MGAT4C: variants seen among roughly 807,000 people sequenced by gnomAD.
The protein encoded by MGAT4C is MGAT4 family member C.
A neutral mutation model predicts 40.1 loss-of-function variants in MGAT4C; 19 were observed. The observed-to-expected ratio is 0.47, with a 90% confidence interval of 0.33 to 0.70. The LOEUF is 0.70. MGAT4C is among the 30% of genes least tolerant of loss of function. The pLI is 0.02. For synonymous variants in MGAT4C, 181 were observed against 187.1 expected (o/e 0.97, Z 0.27); for missense variants, 491 against 563.2 (o/e 0.87, Z 1.30).
chr12:86,104,360 A>G (rs1875738492), intron 1 of MGAT4C, among the ~76,000 whole-genome samples: 1 of 152,086 alleles, frequency 6.6e-6, no homozygotes, highest in Non-Finnish European at 1.5e-5. Context: ...CAGTCAATCG[A>G]GCCTAGGAGA....
rs556887986 is a variant in MGAT4C at position 86,729,381 on chromosome 12, A to T, written c.-261-2140T>A. Among the ~76,000 whole-genome samples, 45 of 152,168 alleles carry T rather than the reference A, an allele frequency of 3.0e-4. No homozygotes were observed. In the South Asian group the frequency reaches 5.2e-3, roughly 17 times the overall value. ...AAAATTTAAAAAAATAAAAATTTTTAAAAAAAGGAAATAAACTTTTATAAC... is the reference window on the plus strand; with the variant it reads ...AAAATTTAAAAAAATAAAAATTTTTTAAAAAAGGAAATAAACTTTTATAAC... On this transcript the variant is annotated intron_variant, in intron 1 of 7. Transcript: ENST00000548651.
chr12:86,246,979 G>C (rs1952063497), intron 1 of MGAT4C, among the ~76,000 whole-genome samples: 1 of 152,074 alleles, frequency 6.6e-6, no homozygotes, highest in African/African-American at 2.4e-5. Context: ...TCTAGTTTTA[G>C]TAGCATCAGT....
chr12:86,520,724 A>C (rs1343423534), intron 2 of MGAT4C, among the ~76,000 whole-genome samples: 1 of 151,948 alleles, frequency 6.6e-6, no homozygotes, highest in African/African-American at 2.4e-5. Context: ...TTTCTCTGGA[A>C]CCTCACAAGC....
At chr12:86,515,756 T>TTTTA (rs1958673880) in intron 2 of MGAT4C, among the ~76,000 whole-genome samples, 1 of 150,398 alleles carries the variant, frequency 6.6e-6, no homozygotes, top group African/African-American at 2.4e-5. Context: ...TTTTTTTTTT[T>TTTTA]GAGACGGAGT....
At chr12:86,440,387 A>G (rs1957205575) in intron 2 of MGAT4C, among the ~76,000 whole-genome samples, 1 of 152,048 alleles carries the variant, frequency 6.6e-6, no homozygotes, top group East Asian at 1.9e-4. Context: ...CCATATGATA[A>G]TCTCAATAGA....
intron 1 of MGAT4C, among the ~76,000 whole-genome samples, chr12:86,144,216 TA>T (rs772176146): frequency 6.6e-6 from 1 of 152,222 alleles, no homozygotes; most frequent in African/African-American, 2.4e-5. Flanking sequence ...TATCAAGCCT[TA>T]AAATTAATAT....
At chr12:86,652,238 G>C (rs1236402796) in intron 2 of MGAT4C, among the ~76,000 whole-genome samples, 1 of 151,730 alleles carries the variant, frequency 6.6e-6, no homozygotes, top group Non-Finnish European at 1.5e-5. Context: ...GATGATTATG[G>C]ATAGAATAAC....
At chr12:86,505,326 A>G (rs1958453520) in intron 2 of MGAT4C, among the ~76,000 whole-genome samples, 1 of 152,190 alleles carries the variant, frequency 6.6e-6, no homozygotes, top group South Asian at 2.1e-4. Context: ...TCCTTTCTCA[A>G]TGCAGGAGAT....
chr12:86,366,926 A>T (rs374445439), intron 3 of MGAT4C, among the ~76,000 whole-genome samples: 1 of 152,182 alleles, frequency 6.6e-6, no homozygotes, highest in African/African-American at 2.4e-5. Flanking sequence ...CTTCTCAGCA[A>T]TTTAGGAATA....
At chr12:86,233,133 T>C (rs993549931) in intron 1 of MGAT4C, among the ~76,000 whole-genome samples, 7 of 152,194 alleles carry the variant, frequency 4.6e-5, no homozygotes, top group African/African-American at 1.7e-4. Flanking sequence ...ATATGTAGTG[T>C]TACGAATTTT....
chr12:86,067,248 T>C (rs1894632326), intron 1 of MGAT4C, among the ~76,000 whole-genome samples: 1 of 152,140 alleles, frequency 6.6e-6, no homozygotes, highest in African/African-American at 2.4e-5. Flanking sequence ...ACTATAAAGA[T>C]ACACTCACAC....
intron 1 of MGAT4C, among the ~76,000 whole-genome samples, chr12:86,200,912 G>C (rs1271657652): frequency 6.6e-6 from 1 of 152,168 alleles, no homozygotes; most frequent in African/African-American, 2.4e-5. Context: ...AACAGGCACA[G>C]AGGAGAGGCC....
intron 1 of MGAT4C, among the ~76,000 whole-genome samples, chr12:86,831,611 C>T (rs1037048951): frequency 6.6e-6 from 1 of 151,640 alleles, no homozygotes; most frequent in Non-Finnish European, 1.5e-5. Flanking sequence ...AATTTCAATG[C>T]AATGTAATGT....
Position 86,805,459 on chromosome 12 carries a change from A to G in MGAT4C, c.-262+33207T>C, listed in dbSNP as rs112060446. ...TTTAGCTCCCATTTATGAGTGAAAC[A>G]TGTGGTATTTGGTTTTCTATTTCTG... On this transcript the variant is annotated intron_variant, in intron 1 of 7. Transcript: ENST00000548651. Among the ~76,000 whole-genome samples, 313 of 152,038 alleles carry G rather than the reference A, an allele frequency of 2.1e-3. 1 individual carries two copies. The highest frequency in any genetic ancestry group is 7.2e-3 in the African/African-American group (299 of 41,508).
chr12:86,471,675 A>C (rs1168049908), intron 2 of MGAT4C, among the ~76,000 whole-genome samples: 2 of 152,158 alleles, frequency 1.3e-5, no homozygotes, highest in Non-Finnish European at 1.5e-5. Context: ...GAGAAAATGG[A>C]GTAAGCCACA....
chr12:86,585,022 A>G lies in MGAT4C; in HGVS notation c.-229+142187T>C, dbSNP rs145197188. On this transcript the variant is annotated intron_variant, in intron 2 of 7. Coordinates refer to the MGAT4C transcript ENST00000548651. ...AAAATTTTTGTTCTACATGAATGAC[A>G]TTAGAGTATGGTTCAACCATTATTT... Among the ~76,000 whole-genome samples the G allele has an allele frequency of 3.8e-3, 579 of 151,560 alleles. 3 individuals are homozygous for G. Among genetic ancestry groups the G allele is most frequent in the Admixed American group, 8.8e-3 (133 of 15,152 alleles).
At chr12:86,528,891 T>C (rs1266969379) in intron 2 of MGAT4C, among the ~76,000 whole-genome samples, 2 of 151,720 alleles carry the variant, frequency 1.3e-5, no homozygotes, top group African/African-American at 4.8e-5. Flanking sequence ...TAATTAACAC[T>C]AAAAAGCCAC....
At chr12:86,194,022 C>T (rs1389054113) in intron 1 of MGAT4C, among the ~76,000 whole-genome samples, 1 of 152,020 alleles carries the variant, frequency 6.6e-6, no homozygotes, top group Non-Finnish European at 1.5e-5. Flanking sequence ...AGAAGAGATG[C>T]TAAACCTTTT....
chr12:86,018,062 T>C (rs1889272378), intron 2 of MGAT4C, among the ~76,000 whole-genome samples: 1 of 152,136 alleles, frequency 6.6e-6, no homozygotes, highest in African/African-American at 2.4e-5. Context: ...CACAAATTCC[T>C]CCGGTTTCTG....
Sources: gnomAD v4.1 joint callset for allele counts (sites outside exome capture counted in the v4.1 genomes callset) on GRCh38, gnomAD v4.1.1 for gene constraint, MANE v1.5 for transcripts, NCBI Gene and HGNC (gene_info 2026-07-23, HGNC 2026-07-21) for gene names.